Variants in MED27 observed in about 807,000 individuals in gnomAD.
MED27 encodes mediator complex subunit 27.
In MED27, 30 loss-of-function variants were observed where a neutral mutation model predicts 38.2. That is an observed-to-expected ratio of 0.79 (90% CI 0.59 to 1.07). MED27 has a LOEUF of 1.07. Ranked by LOEUF, MED27 falls within the 50% of genes least tolerant of loss-of-function variation. The pLI is 0.00. For missense variants in MED27, 289 were observed against 397.5 expected, an observed-to-expected ratio of 0.73 and a Z score of 2.32; for synonymous variants, 122 against 153.5, an observed-to-expected ratio of 0.79 and a Z score of 1.52.
intron 3 of MED27, among the ~76,000 whole-genome samples, chr9:131,995,281 C>A (rs1213333305): frequency 1.3e-5 from 2 of 152,022 alleles, no homozygotes; most frequent in Non-Finnish European, 2.9e-5. Context: ...GTGACCCAAC[C>A]AGTTGACATC....
intron 2 of MED27, among the ~76,000 whole-genome samples, chr9:132,047,021 C>G (rs913161562): frequency 2.0e-5 from 3 of 152,148 alleles, no homozygotes; most frequent in African/African-American, 7.2e-5. Flanking sequence ...TTAAGCTGAA[C>G]ATGCATAGGT....
At chr9:132,057,659 C>T (rs1833610393) in intron 2 of MED27, among the ~76,000 whole-genome samples, 2 of 152,144 alleles carry the variant, frequency 1.3e-5, no homozygotes, top group South Asian at 2.1e-4. Context: ...CCACACTCAC[C>T]GAGGGAGTGA....
intron 2 of MED27, among the ~76,000 whole-genome samples, chr9:132,071,942 G>T (rs1833948837): frequency 6.6e-6 from 1 of 151,714 alleles, no homozygotes; most frequent in Non-Finnish European, 1.5e-5. Context: ...GAGTACAGAG[G>T]CATATGAGTA....
At chr9:132,026,824 T>G (rs1450830928) in intron 2 of MED27, among the ~76,000 whole-genome samples, 1 of 152,250 alleles carries the variant, frequency 6.6e-6, no homozygotes, top group Non-Finnish European at 1.5e-5. Context: ...GGACTCACTA[T>G]GAACCAGGTG....
At chr9:132,000,578 T>C (rs543984250) in intron 3 of MED27, among the ~76,000 whole-genome samples, 5 of 152,118 alleles carry the variant, frequency 3.3e-5, no homozygotes, top group African/African-American at 9.7e-5. Flanking sequence ...GCTTTATTAA[T>C]AGCCAAAACA....
intron 3 of MED27, among the ~76,000 whole-genome samples, chr9:131,944,689 G>A (rs975821487): frequency 6.6e-6 from 1 of 151,966 alleles, no homozygotes; most frequent in African/African-American, 2.4e-5. Flanking sequence ...CCGCCACCAT[G>A]CCAGGCTGAT....
chr9:131,910,938 A>T (rs535807930), intron 4 of MED27, among the ~76,000 whole-genome samples: 2 of 152,000 alleles, frequency 1.3e-5, no homozygotes, highest in Admixed American at 1.3e-4. Context: ...CAGTTACCTC[A>T]TCTGCCACTA....
At chr9:131,893,063 T>G (rs749102811) in intron 5 of MED27, among the ~76,000 whole-genome samples, 3 of 152,232 alleles carry the variant, frequency 2.0e-5, no homozygotes, top group Non-Finnish European at 4.4e-5. Context: ...CCACCTTTTT[T>G]TGAAGAACAT....
chr9:132,033,784 A>G (rs1833013853), intron 2 of MED27, among the ~76,000 whole-genome samples: 2 of 152,224 alleles, frequency 1.3e-5, no homozygotes, highest in Admixed American at 1.3e-4. Context: ...CATAAAGGTA[A>G]GAGGAAGCCA....
chr9:131,981,707 G>A (rs1379915298), intron 3 of MED27, among the ~76,000 whole-genome samples: 1 of 152,228 alleles, frequency 6.6e-6, no homozygotes, highest in Non-Finnish European at 1.5e-5. Flanking sequence ...AGATGGGGCA[G>A]GAGGCTATAG....
intron 2 of MED27, among the ~76,000 whole-genome samples, chr9:132,014,734 T>C (rs974293070): frequency 7.2e-5 from 11 of 152,196 alleles, no homozygotes; most frequent in Non-Finnish European, 1.5e-4. Context: ...AACAACTGAC[T>C]GTGAAATTGA....
At chr9:131,916,352 A>G (rs528369222) in intron 4 of MED27, among the ~76,000 whole-genome samples, 5 of 152,388 alleles carry the variant, frequency 3.3e-5, no homozygotes, top group South Asian at 4.1e-4. Context: ...AATTTGAATC[A>G]GGACAACCCG....
intron 6 of MED27, among the ~76,000 whole-genome samples, chr9:131,879,563 C>G (rs1243091934): frequency 6.6e-6 from 1 of 152,196 alleles, no homozygotes; most frequent in African/African-American, 2.4e-5. Context: ...TGTGGCACCT[C>G]CCACCACTGT....
At chr9:131,992,488 C>T (rs1831997847) in intron 3 of MED27, among the ~76,000 whole-genome samples, 2 of 152,150 alleles carry the variant, frequency 1.3e-5, no homozygotes, top group African/African-American at 4.8e-5. Flanking sequence ...ACCTCGACCT[C>T]CTGGGCTCAA....
At chr9:132,044,264 T>C (rs1386285447) in intron 2 of MED27, among the ~76,000 whole-genome samples, 1 of 152,156 alleles carries the variant, frequency 6.6e-6, no homozygotes, top group Non-Finnish European at 1.5e-5. Flanking sequence ...TTTCTCCTCA[T>C]TAAAGGAGGA....
chr9:131,934,277 G>A (rs1371547013), intron 4 of MED27, among the ~76,000 whole-genome samples: 1 of 151,998 alleles, frequency 6.6e-6, no homozygotes, highest in Admixed American at 6.6e-5. Context: ...TGGATAAATG[G>A]GATCATATCA....
chr9:131,888,952 G>A (rs1046071484), intron 5 of MED27, among the ~76,000 whole-genome samples: 16 of 152,278 alleles, frequency 1.1e-4, no homozygotes, highest in African/African-American at 3.6e-4. Flanking sequence ...CACAATTTCA[G>A]GGAATCCTCT....
At chr9:132,044,970 T>C (rs1023252962) in intron 2 of MED27, among the ~76,000 whole-genome samples, 4 of 151,750 alleles carry the variant, frequency 2.6e-5, no homozygotes, top group Non-Finnish European at 4.4e-5. Context: ...CACAGAGAAA[T>C]ATGGGAGGAA....
chr9:132,001,059 C>T (rs1832221714), intron 3 of MED27, among the ~76,000 whole-genome samples: 2 of 151,770 alleles, frequency 1.3e-5, no homozygotes, highest in African/African-American at 2.4e-5. Flanking sequence ...ATGATCACAC[C>T]ACTGCACTCC....
Sources: gnomAD v4.1 joint callset for allele counts (sites outside exome capture counted in the v4.1 genomes callset) on GRCh38, gnomAD v4.1.1 for gene constraint, MANE v1.5 for transcripts, NCBI Gene and HGNC (gene_info 2026-07-23, HGNC 2026-07-21) for gene names.